FOXN3: variants seen among roughly 807,000 people sequenced by gnomAD.
The protein encoded by FOXN3 is forkhead box protein N3.
In FOXN3, 7 loss-of-function variants were observed where a neutral mutation model predicts 38.4. That is an observed-to-expected ratio of 0.18 (90% CI 0.10 to 0.34). The LOEUF is 0.34. Ranked by LOEUF, FOXN3 falls within the 10% of genes least tolerant of loss-of-function variation. The pLI, the probability that FOXN3 is intolerant of heterozygous loss-of-function variation, is 1.00. For synonymous variants in FOXN3, 230 were observed against 242.2 expected (o/e 0.95, Z 0.47); for missense variants, 456 against 613.4 (o/e 0.74, Z 2.71).
intron 1 of FOXN3, among the ~76,000 whole-genome samples, chr14:89,488,784 A>T (rs916325669): frequency 1.3e-5 from 2 of 152,304 alleles, no homozygotes; most frequent in South Asian, 4.1e-4. Context: ...AAGAATCTGG[A>T]AGTCACAGTC....
intron 4 of FOXN3, among the ~76,000 whole-genome samples, chr14:89,243,910 A>G (rs993359242): frequency 5.9e-5 from 9 of 152,200 alleles, no homozygotes; most frequent in Non-Finnish European, 1.3e-4. Context: ...GGGATGCATC[A>G]GTTCACATAA....
At chr14:89,479,662 C>G (rs143642138) in intron 1 of FOXN3, among the ~76,000 whole-genome samples, 148 of 152,208 alleles carry the variant, frequency 9.7e-4, no homozygotes, top group Admixed American at 2.7e-3. Context: ...AGTGGGATAG[C>G]ACAAATACTT....
chr14:89,578,094 GA>G (rs113048313), intron 1 of FOXN3, among the ~76,000 whole-genome samples: 1 of 152,058 alleles, frequency 6.6e-6, no homozygotes, highest in African/African-American at 2.4e-5. Flanking sequence ...ATATGAAAGG[GA>G]AAAAATGCCA....
chr14:89,475,888 A>G (rs574126124), intron 1 of FOXN3, among the ~76,000 whole-genome samples: 1 of 152,174 alleles, frequency 6.6e-6, no homozygotes, highest in Non-Finnish European at 1.5e-5. Flanking sequence ...AGAGTGTGTC[A>G]ATACACAAGA....
At chr14:89,288,714 CTCTCTCTCTCTATATATATATATATA>C (rs1566947648) in intron 3 of FOXN3, among the ~76,000 whole-genome samples, 98 of 60,724 alleles carry the variant, frequency 1.6e-3, no homozygotes, top group African/African-American at 2.2e-3. Context: ...CTCTCTCTCT[CTCTCTCTCTCTATATATATATATATA>C]TATATATATA....
intron 2 of FOXN3, among the ~76,000 whole-genome samples, chr14:89,382,987 A>G (rs966567204): frequency 4.0e-5 from 6 of 149,540 alleles, no homozygotes; most frequent in Non-Finnish European, 8.9e-5. Context: ...ATTGCTCAGA[A>G]CACTCAAGCA....
At chr14:89,531,937 T>C (rs1241512743) in intron 1 of FOXN3, among the ~76,000 whole-genome samples, 1 of 152,090 alleles carries the variant, frequency 6.6e-6, no homozygotes, top group Non-Finnish European at 1.5e-5. Context: ...GCCTCCTGAG[T>C]AGCTACGACT....
chr14:89,179,491 A>C (rs1272668191), intron 5 of FOXN3, among the ~76,000 whole-genome samples: 1 of 152,216 alleles, frequency 6.6e-6, no homozygotes, highest in Non-Finnish European at 1.5e-5. Flanking sequence ...ACGCAGAAGG[A>C]GAGGGATGGT....
intron 2 of FOXN3, among the ~76,000 whole-genome samples, chr14:89,394,600 G>A (rs1891056232): frequency 6.6e-6 from 1 of 152,184 alleles, no homozygotes; most frequent in Non-Finnish European, 1.5e-5. Flanking sequence ...ATCATCAAGA[G>A]AAGTGTACAG....
rs905317052 is a variant in FOXN3, at chr14:89,548,041, C to T, written c.-15+70987G>A. On this transcript the variant is annotated intron_variant, in intron 1 of 6. Transcript: ENST00000345097. This position sits in a 1 kb window ranked among gnomAD's most constrained non-coding sequence, Gnocchi z 4.8. ...AACTGGCAAAGGGAAAATACTTTCT[C>T]TTGTTCAAAGACAGCATTCAACACT... Among the ~76,000 whole-genome samples, 1 of 152,202 alleles carries T rather than the reference C, an allele frequency of 6.6e-6. No individual in the cohort carries two copies. The highest frequency in any genetic ancestry group is 1.5e-5 in the Non-Finnish European group (1 of 68,038).
intron 1 of FOXN3, among the ~76,000 whole-genome samples, chr14:89,443,231 G>C (rs1253114558): frequency 6.6e-6 from 1 of 152,234 alleles, no homozygotes; most frequent in East Asian, 1.9e-4. Context: ...ACGTGCAACA[G>C]GGAAAACTGG....
intron 1 of FOXN3, among the ~76,000 whole-genome samples, chr14:89,445,644 C>T (rs1221292948): frequency 6.6e-6 from 1 of 152,158 alleles, no homozygotes; most frequent in African/African-American, 2.4e-5. Context: ...CCTTTTCACA[C>T]TGCCGTAAAA....
At chr14:89,212,487 A>G (rs968986991) in intron 4 of FOXN3, among the ~76,000 whole-genome samples, 1 of 152,166 alleles carries the variant, frequency 6.6e-6, no homozygotes, top group Admixed American at 6.5e-5. Context: ...GTGACCTCCC[A>G]GTGCCCATTC....
chr14:89,258,941 C>A (rs914993013), intron 4 of FOXN3, among the ~76,000 whole-genome samples: 1 of 152,218 alleles, frequency 6.6e-6, no homozygotes, highest in African/African-American at 2.4e-5. Context: ...ATCCCCTGAT[C>A]ACGAACAACT....
At chr14:89,231,003 A>G (rs1884791222) in intron 4 of FOXN3, 2 of 362,052 alleles carry the variant, frequency 5.5e-6, no homozygotes, top group Admixed American at 3.1e-5. Context: ...GAACATCAGG[A>G]CTTGAGGTTG....
chr14:89,610,865 C>A (rs242764), intron 1 of FOXN3, among the ~76,000 whole-genome samples: 3 of 152,004 alleles, frequency 2.0e-5, no homozygotes, highest in Admixed American at 6.6e-5. Context: ...TGGCATTTCC[C>A]TTGATTGATC....
chr14:89,202,157 C>T (rs1288380850), intron 4 of FOXN3, among the ~76,000 whole-genome samples: 2 of 152,186 alleles, frequency 1.3e-5, no homozygotes, highest in Non-Finnish European at 2.9e-5. Context: ...AATGCTCGAG[C>T]ACTGAAGAAC....
intron 5 of FOXN3, among the ~76,000 whole-genome samples, chr14:89,172,013 T>A (rs192475584): frequency 6.6e-6 from 1 of 152,286 alleles, no homozygotes; most frequent in East Asian, 1.9e-4. Context: ...GCAAGGTTGC[T>A]GGAAAAAAAT....
chr14:89,513,073 G>T (rs1398609493), intron 1 of FOXN3, among the ~76,000 whole-genome samples: 1 of 148,614 alleles, frequency 6.7e-6, no homozygotes, highest in African/African-American at 2.5e-5. Flanking sequence ...TCGGGGGTCA[G>T]AGGTTGCAGT....
Sources: allele counts gnomAD v4.1 joint callset (sites outside exome capture counted in the v4.1 genomes callset), GRCh38; gene constraint gnomAD v4.1.1; non-coding constraint Gnocchi (gnomAD v3.1); transcripts MANE v1.5; gene names NCBI Gene and HGNC (gene_info 2026-07-23, HGNC 2026-07-21).